Variants in TMEM260 observed in about 807,000 individuals in gnomAD.
The protein encoded by TMEM260 is protein O-mannosyl-transferase TMEM260.
Under a neutral mutation model 88.9 loss-of-function variants are expected in TMEM260, and 82 were observed. The ratio of observed to expected loss-of-function variants is 0.92; its 90% confidence interval spans 0.77 to 1.11. The LOEUF (loss-of-function observed/expected upper bound fraction) is 1.11, where lower values mean the gene tolerates loss of function less well. TMEM260 is among the 50% of genes least tolerant of loss of function. The probability of loss-of-function intolerance (pLI) is 0.00; values close to 1 mark genes in which losing one functional copy is unlikely to be tolerated. For synonymous variants in TMEM260, 314 were observed against 309.3 expected, an observed-to-expected ratio of 1.02 and a Z score of -0.16; for missense variants, 902 against 853.4, an observed-to-expected ratio of 1.06 and a Z score of -0.71.
intron 9 of TMEM260, among the ~76,000 whole-genome samples, chr14:56,618,221 T>C (rs989929290): frequency 1.3e-5 from 2 of 152,036 alleles, no homozygotes; most frequent in Non-Finnish European, 2.9e-5. Context: ...TAGGAGGAAA[T>C]ACGTGAGGGG....
chr14:56,623,021 T>C (rs925511367), intron 11 of TMEM260, among the ~76,000 whole-genome samples: 14 of 152,190 alleles, frequency 9.2e-5, no homozygotes, highest in Non-Finnish European at 1.9e-4. Flanking sequence ...GAAGCATGGA[T>C]TAGAAAGTGA....
At chr14:56,599,889 G>A (rs192601921) in intron 3 of TMEM260, among the ~76,000 whole-genome samples, 3 of 152,176 alleles carry the variant, frequency 2.0e-5, no homozygotes, top group Admixed American at 2.0e-4. Context: ...TGTTTAAACT[G>A]TCTGTCATCC....
At chr14:56,623,437 C>G (rs1175022228) in intron 11 of TMEM260, among the ~76,000 whole-genome samples, 2 of 152,218 alleles carry the variant, frequency 1.3e-5, no homozygotes, top group Non-Finnish European at 2.9e-5. Flanking sequence ...GCCCCAGAAG[C>G]CCCCCAGCAG....
chr14:56,654,547 A>T (rs147417094), downstream of TMEM260, among the ~76,000 whole-genome samples: 914 of 151,104 alleles, frequency 6.0e-3, 14 homozygotes, highest in African/African-American at 0.022. Context: ...AGGCGGGTGC[A>T]GTGGCTCACA....
chr14:56,633,078 G>C lies in TMEM260; in HGVS notation c.1631G>C (p.Cys544Ser). ...KNYSLWPWGS[C>S]DKLVPLEIVF... ...TATTCACTTTGGCCATGGGGGTCTTGTGACAAATTAGTTCCTTTGGAGATT... is the reference window on the plus strand; with the variant it reads ...TATTCACTTTGGCCATGGGGGTCTTCTGACAAATTAGTTCCTTTGGAGATT... The change falls in exon 13 of 16, where the codon TGT becomes TCT. Residue 544 changes from cysteine (C) to serine (S), a missense_variant. Cys to Ser is a moderately radical substitution (Grantham distance 112). Transcript: ENST00000261556. 1.2e-6 allele frequency: 2 copies of C among 1,613,956 alleles called. No homozygotes were observed. Among genetic ancestry groups the C allele is most frequent in the Non-Finnish European group, 1.7e-6 (2 of 1,179,924 alleles).
downstream of TMEM260, chr14:56,650,271 G>GGAGCCAGTGA (rs1187679274): frequency 3.0e-6 from 1 of 335,572 alleles, no homozygotes; most frequent in Admixed American, 4.2e-5. Flanking sequence ...AGAGCCAGTG[G>GGAGCCAGTGA]GAGCCAGTGA....
At chr14:56,614,122 T>C (rs1887454239) in intron 7 of TMEM260, among the ~76,000 whole-genome samples, 1 of 150,374 alleles carries the variant, frequency 6.7e-6, no homozygotes, top group Non-Finnish European at 1.5e-5. Context: ...TTGGCCAGGC[T>C]GGTCTCAAAC....
In TMEM260 at chr14:56,649,277, A is replaced by G. The variant is rs1890139801; in HGVS notation, c.*1780A>G. 1 of 152,642 alleles carries G rather than the reference A, an allele frequency of 6.6e-6. No individual in the cohort carries two copies. Among genetic ancestry groups the G allele is most frequent in the African/African-American group, 2.4e-5 (1 of 41,460 alleles). 9.5% of individuals were successfully genotyped at this position (152,642 alleles called of 1,614,324 possible). A position where few individuals can be genotyped will look rare whatever the true frequency, so the allele number is the denominator to read the frequency against. On this transcript the variant is annotated 3_prime_UTR_variant, in exon 16 of 16. Transcript: ENST00000261556. Reference sequence around the variant, plus strand: ...AGTTGTTGAGTACTAATTGGCAAAGACTTTTAATCATGGGCCAAGAACTTT... The same window carrying G: ...AGTTGTTGAGTACTAATTGGCAAAGGCTTTTAATCATGGGCCAAGAACTTT...
chr14:56,596,425 TAC>T (rs746453170), intron 3 of TMEM260, among the ~76,000 whole-genome samples: 44,489 of 134,936 alleles, frequency 0.33, 7,502 homozygotes, highest in East Asian at 0.56. Flanking sequence ...TATATATATA[TAC>T]ATACACACAC....
At chr14:56,636,462 C>T (rs1889084351) in intron 14 of TMEM260, 46 bp from the exon 15 acceptor site, 3 of 1,471,544 alleles carry the variant, frequency 2.0e-6, no homozygotes, top group Non-Finnish European at 2.9e-6. Flanking sequence ...CCTGAATGTG[C>T]AATTGACTGT....
intron 15 of TMEM260, among the ~76,000 whole-genome samples, chr14:56,643,425 T>G (rs1444378666): frequency 2.0e-5 from 3 of 152,114 alleles, no homozygotes; most frequent in Non-Finnish European, 2.9e-5. Flanking sequence ...ATTATCTCAA[T>G]AGATGCAGAA....
intron 15 of TMEM260, among the ~76,000 whole-genome samples, chr14:56,643,245 A>T (rs757838879): frequency 6.6e-6 from 1 of 152,246 alleles, no homozygotes; most frequent in South Asian, 2.1e-4. Flanking sequence ...ATGAACATTG[A>T]TGCAAAAATC....
intron 12 of TMEM260, among the ~76,000 whole-genome samples, chr14:56,630,245 C>CTTGT (rs1433913440): frequency 6.6e-6 from 1 of 152,068 alleles, no homozygotes; most frequent in African/African-American, 2.4e-5. Context: ...TTTGCGTTAA[C>CTTGT]TTGTTTGGAG....
At chr14:56,589,411 A>G (rs1566528032) in intron 3 of TMEM260, among the ~76,000 whole-genome samples, 1 of 152,124 alleles carries the variant, frequency 6.6e-6, no homozygotes, top group East Asian at 1.9e-4. Context: ...TAAAGCTCTT[A>G]TTTTTTATAA....
At chr14:56,649,523 CTT>C (rs1251549784), downstream of TMEM260, 1 of 151,984 alleles carries the variant, frequency 6.6e-6, no homozygotes, top group African/African-American at 2.4e-5. Context: ...AAAGCATTGT[CTT>C]TATTGGTTCA....
intron 15 of TMEM260, among the ~76,000 whole-genome samples, chr14:56,638,511 T>C (rs116098265): frequency 0.012 from 1,825 of 152,294 alleles, 38 homozygotes; most frequent in African/African-American, 0.041. Flanking sequence ...GTTAGGCTAC[T>C]ACTAAAGCTC....
intron 15 of TMEM260, among the ~76,000 whole-genome samples, chr14:56,637,664 TG>T (rs1889216881): frequency 1.3e-5 from 2 of 152,176 alleles, no homozygotes; most frequent in South Asian, 4.1e-4. Context: ...TAGACTGCTG[TG>T]GTTCTACTCA....
At chr14:56,643,431 C>T (rs1356078796) in intron 15 of TMEM260, among the ~76,000 whole-genome samples, 1 of 152,092 alleles carries the variant, frequency 6.6e-6, no homozygotes, top group Non-Finnish European at 1.5e-5. Context: ...TCAATAGATG[C>T]AGAAAAGGCC....
intron 3 of TMEM260, among the ~76,000 whole-genome samples, chr14:56,596,794 A>ATAT (rs370824046): frequency 1.8e-4 from 24 of 136,296 alleles, no homozygotes; most frequent in African/African-American, 4.7e-4. Context: ...TAAAAAAAAA[A>ATAT]ATATATATAT....
Sources: allele counts gnomAD v4.1 joint callset (sites outside exome capture counted in the v4.1 genomes callset), GRCh38; gene constraint gnomAD v4.1.1; transcripts MANE v1.5; gene names NCBI Gene and HGNC (gene_info 2026-07-23, HGNC 2026-07-21).